Variants in ATP8B3 observed in about 807,000 individuals in gnomAD.
The protein encoded by ATP8B3 is ATPase phospholipid transporting 8B3, also known as phospholipid-transporting ATPase IK.
A neutral mutation model predicts 140.9 loss-of-function variants in ATP8B3; 141 were observed. The ratio of observed to expected loss-of-function variants is 1.00; its 90% confidence interval spans 0.87 to 1.15. ATP8B3 has a LOEUF of 1.15. Among genes scored for constraint, ATP8B3 ranks in the 50% most tolerant of loss-of-function variants. ATP8B3 has a pLI of 0.00. For synonymous variants in ATP8B3, 765 were observed against 714.6 expected, an observed-to-expected ratio of 1.07 and a Z score of -1.13; for missense variants, 1,874 against 1,740.6, an observed-to-expected ratio of 1.08 and a Z score of -1.36.
At chr19:1,799,012 A>C (rs1209550486) in intron 14 of ATP8B3, 1 of 151,124 alleles carries the variant, frequency 6.6e-6, no homozygotes, top group Non-Finnish European at 1.5e-5. Flanking sequence ...GTAAGGTGGC[A>C]CTCTCCTGTA....
chr19:1,797,002 G>T lies in ATP8B3; in HGVS notation c.1556C>A (p.Pro519Gln). The change falls in exon 15 of 29, where the codon CCG becomes CAG. Residue 519 changes from proline (P) to glutamine (Q), a missense_variant. Coordinates refer to ENST00000310127, the MANE Select transcript of ATP8B3 (RefSeq NM_138813.4). ...KCCISGRVYG[P>Q]DSEATTRPKE... ...AGGTCGGGTCGTGGCCTCTGAATCC[G>T]GCCCTGGGGAAAGACACAGCTTCCT... 1.2e-6 allele frequency: 2 copies of T among 1,613,066 alleles called. No individual in the cohort carries two copies. Among genetic ancestry groups the T allele is most frequent in the Non-Finnish European group, 1.7e-6 (2 of 1,179,824 alleles).
rs1408237227 is a variant in ATP8B3 at position 1,789,462 on chromosome 19, G to A, written c.2744C>T (p.Thr915Met). 2 of 1,597,748 alleles carry A rather than the reference G, an allele frequency of 1.3e-6. No homozygotes were observed. The highest frequency in any genetic ancestry group is 4.5e-5 in the East Asian group (2 of 44,720). Residue 915 changes from threonine (T) to methionine (M), a missense_variant, in exon 23 of 29, where the codon ACG becomes ATG. This residue lies in a region of ATP8B3 where 840 missense variants were observed against 760.9 expected (regional missense o/e 1.10). Coordinates refer to ENST00000310127, the MANE Select transcript of ATP8B3 (RefSeq NM_138813.4). Reference sequence around the variant, plus strand: ...CACGATCAGGGCCTTCTGCTTGGGCGTCACGCGGCAGCAGATGACCGCCTG... The same window carrying A: ...CACGATCAGGGCCTTCTGCTTGGGCATCACGCGGCAGCAGATGACCGCCTG... ...KCQAVICCRV[T>M]PKQKALIVAL...
chr19:1,806,296 C>A lies in ATP8B3; in HGVS notation c.678-127G>T. ...CCCCACCTCCGGGCCTTTGCCCCCTCAGGAAGCCTTCCCCGGGCTCCCACC... is the reference window on the plus strand; with the variant it reads ...CCCCACCTCCGGGCCTTTGCCCCCTAAGGAAGCCTTCCCCGGGCTCCCACC... On this transcript the variant is annotated intron_variant, in intron 7 of 28. Coordinates refer to ENST00000310127, the MANE Select transcript of ATP8B3 (RefSeq NM_138813.4). This position sits in a 1 kb window ranked among gnomAD's most constrained non-coding sequence, Gnocchi z 5.6. 2 of 1,490,852 alleles carry A rather than the reference C, an allele frequency of 1.3e-6. No homozygotes were observed. Among genetic ancestry groups the A allele is most frequent in the Non-Finnish European group, 1.8e-6 (2 of 1,124,322 alleles). The allele number at this position is 1,490,852 out of a possible 1,614,324, so 92.4% of individuals were successfully genotyped here.
At position 1,796,092 on chromosome 19, in the gene ATP8B3, G is replaced by A. The variant is rs768390674; in HGVS notation, c.1927C>T (p.Arg643Trp). The A allele has an allele frequency of 4.0e-5, 64 of 1,612,926 alleles. No individual in the cohort carries two copies. Among genetic ancestry groups the A allele is most frequent in the East Asian group, 2.2e-4 (10 of 44,874 alleles). ...CGGGGCTCACCCAGCACCGACATCCGTTTGCGCGTGCTGTTGAAGTCCATT... is the reference window on the plus strand; with the variant it reads ...CGGGGCTCACCCAGCACCGACATCCATTTGCGCGTGCTGTTGAAGTCCATT... Reference protein sequence around the residue: ...AIMDFNSTRKRMSVLVRKPEG... With the variant: ...AIMDFNSTRKWMSVLVRKPEG... Residue 643 changes from arginine (R) to tryptophan (W), a missense_variant, in exon 17 of 29, where the codon CGG becomes TGG. Arg to Trp is a moderately radical substitution (Grantham distance 101). Around this residue, in one of 3 missense-constraint regions of ATP8B3, gnomAD observed 1,032 missense variants for 963.6 expected, o/e 1.07. Transcript: ENST00000310127.
At chr19:1,791,947 T>G in intron 19 of ATP8B3, 54 bp downstream of exon 19, 1 of 1,576,802 alleles carries the variant, frequency 6.3e-7, no homozygotes, top group Non-Finnish European at 8.6e-7. Flanking sequence ...AGGGCCCCCT[T>G]GGGTGCCCCC....
chr19:1,790,912 A>T, intron 20 of ATP8B3, 80 bp from the exon 21 acceptor site: 1 of 1,252,880 alleles, frequency 8.0e-7, no homozygotes, highest in Non-Finnish European at 1.1e-6. Context: ...CTGCCCGGTG[A>T]ATCCTGGCCC....
At position 1,805,565 on chromosome 19, in the gene ATP8B3, T is replaced by G; in HGVS notation, c.822-109A>C. 1 of 988,016 alleles carries G rather than the reference T, an allele frequency of 1.0e-6. No homozygotes were observed. Among genetic ancestry groups the G allele is most frequent in the Non-Finnish European group, 1.6e-6 (1 of 641,166 alleles). The allele number at this position is 988,016 out of a possible 1,614,324, so 61.2% of individuals were successfully genotyped here. On this transcript the variant is annotated intron_variant, in intron 9 of 28. Transcript: ENST00000310127. This position sits in a 1 kb window ranked among gnomAD's most constrained non-coding sequence, Gnocchi z 5.2. ...ACATTTTCACTGAGCACCTACTAGT[T>G]CGCCAGCTGCCAGTCAGATGGCTGA...
At chr19:1,784,770 G>A in intron 28 of ATP8B3, 49 bp downstream of exon 28, 2 of 1,538,644 alleles carry the variant, frequency 1.3e-6, no homozygotes, top group South Asian at 1.3e-5. Flanking sequence ...TCCCCAACCA[G>A]GGTCCTGGAA....
In ATP8B3 at chr19:1,784,826, C is replaced by A. The variant is rs771914558; in HGVS notation, c.3653G>T (p.Arg1218Leu). 3.7e-6 allele frequency: 6 copies of A among 1,603,202 alleles called. No individual in the cohort carries two copies. Among genetic ancestry groups the A allele is most frequent in the South Asian group, 2.3e-5 (2 of 88,872 alleles). The part of the protein sequence containing the change: ...RVIFPALKEL[R>L]AKEEKVEEGP... ...GGCCCAGGCCCACCTCACCTTGGCA[C>A]GTAGCTCCTTGAGGGCTGGGAAGAT... The change falls in exon 28 of 29, where the codon CGT (arginine) becomes CTT (leucine). Residue 1218 changes from arginine to leucine, a missense_variant. Coordinates refer to ENST00000310127, the MANE Select transcript of ATP8B3 (RefSeq NM_138813.4).
Position 1,791,737 on chromosome 19 carries a change from G to A in ATP8B3, c.2302+13C>T, listed in dbSNP as rs779238404. ...TGCAGGGGCTTAGCCACCCGGAGCT[G>A]CCCGGGACTCACCCTGCTTGTCCCC... On this transcript the variant is annotated intron_variant, in intron 20 of 28. Transcript: ENST00000310127. 3.8e-6 allele frequency: 6 copies of A among 1,599,038 alleles called. No individual in the cohort carries two copies. The highest frequency in any genetic ancestry group is 4.3e-6 in the Non-Finnish European group (5 of 1,169,814).
rs1199087141 is a variant in ATP8B3 at position 1,795,907 on chromosome 19, C to A, written c.2023G>T (p.Ala675Ser). Residue 675 changes from alanine to serine, a missense_variant, in exon 18 of 29, where the codon GCA (alanine) becomes TCA (serine). Physicochemically the swap from Ala to Ser is moderately conservative, Grantham distance 99. Coordinates refer to ENST00000310127, the MANE Select transcript of ATP8B3 (RefSeq NM_138813.4). ...GCCTCCTCTGTGGCAAATTCCATTGCCCCCCTCCTGTGCAAGCGTTCGAAG... is the reference window on the plus strand; with the variant it reads ...GCCTCCTCTGTGGCAAATTCCATTGACCCCCTCCTGTGCAAGCGTTCGAAG... ...VIFERLHRRG[A>S]MEFATEEALA... 8.7e-6 allele frequency: 14 copies of A among 1,612,906 alleles called. No homozygotes were observed. The highest frequency in any genetic ancestry group is 1.2e-5 in the Non-Finnish European group (14 of 1,179,798).
At position 1,783,191 on chromosome 19, in the gene ATP8B3, G is replaced by A; in HGVS notation, c.3740C>T (p.Ala1247Val). 6.2e-7 allele frequency: 1 copy of A among 1,613,160 alleles called. No homozygotes were observed. The highest frequency in any genetic ancestry group is 8.5e-7 in the Non-Finnish European group (1 of 1,179,642). Residue 1247 changes from alanine (A) to valine (V), a missense_variant, in exon 29 of 29, where the codon GCC becomes GTC. Physicochemically the swap from Ala to Val is moderately conservative, Grantham distance 64. Transcript: ENST00000310127. ...GGAGAAAGCATAGCTGGAACGGCGG[G>A]CACGAGACTCCCGGTGTACATGAGG... ...PLPHVHRESR[A>V]RRSSYAFSHR...
chr19:1,792,467 C>G (rs2068542639), intron 18 of ATP8B3, among the ~76,000 whole-genome samples: 1 of 151,226 alleles, frequency 6.6e-6, no homozygotes, highest in Non-Finnish European at 1.5e-5. Context: ...GTAGTCCCAG[C>G]TACTTGAGAG....
rs1036382282 is a variant in ATP8B3, at chr19:1,782,368, G to A, written c.*660C>T. The stretch of plus-strand genomic sequence containing the variant: ...GGGGCAAGGATAGCTGCTCCTCCCC[G>A]GGCACCAGCAGCCACTCCATGGATG... On this transcript the variant is annotated 3_prime_UTR_variant, in exon 29 of 29. Transcript: ENST00000310127. 1.9e-5 allele frequency: 5 copies of A among 261,744 alleles called. No individual in the cohort carries two copies. The highest frequency in any genetic ancestry group is 1.6e-4 in the East Asian group (2 of 12,742). The allele number at this position is 261,744 out of a possible 1,614,324, so 16.2% of individuals were successfully genotyped here. A position where few individuals can be genotyped will look rare whatever the true frequency, so the allele number is the denominator to read the frequency against.
In ATP8B3 at chr19:1,805,475, G is replaced by A. The variant is rs2068981616; in HGVS notation, c.822-19C>T. On this transcript the variant is annotated intron_variant, in intron 9 of 28. Coordinates refer to ENST00000310127, the MANE Select transcript of ATP8B3 (RefSeq NM_138813.4). The surrounding 1 kb of genome is among the most constrained non-coding windows in gnomAD (Gnocchi z 5.2). ...GGTCTCCCTGGTGACGAGGAGAGGA[G>A]GGAGGTGAAAGTGGAGTTGATGGAT... 1.3e-6 allele frequency: 2 copies of A among 1,547,510 alleles called. No individual in the cohort carries two copies. Among genetic ancestry groups the A allele is most frequent in the South Asian group, 1.2e-5 (1 of 84,276 alleles).
Position 1,799,960 on chromosome 19 carries a change from G to T in ATP8B3, c.1539C>A (p.Ser513Arg). 3 of 1,598,768 alleles carry T rather than the reference G, an allele frequency of 1.9e-6. No homozygotes were observed. The highest frequency in any genetic ancestry group is 2.6e-6 in the Non-Finnish European group (3 of 1,173,010). The change falls in exon 14 of 29, where the codon AGC (serine) becomes AGA (arginine). Residue 513 changes from serine (S) to arginine (R), a missense_variant. This residue lies in a region of ATP8B3 where 1,032 missense variants were observed against 963.6 expected (regional missense o/e 1.07). Coordinates refer to ENST00000310127, the MANE Select transcript of ATP8B3 (RefSeq NM_138813.4). ...TCGGGGCCGCACCATAGACGCGGCC[G>T]CTGATGCAGCACTTGTTGAAGGTCA... is the stretch of plus-strand genomic sequence containing the variant. ...NILTFNKCCISGRVYGPDSEA... is the reference protein window; with the variant it reads ...NILTFNKCCIRGRVYGPDSEA...
intron 4 of ATP8B3, among the ~76,000 whole-genome samples, chr19:1,809,152 C>T (rs1003050007): frequency 2.5e-4 from 38 of 151,400 alleles, no homozygotes; most frequent in Middle Eastern, 6.9e-3. Flanking sequence ...CCAGCCTGGG[C>T]GACAGAGCGA....
chr19:1,790,655 CA>C, intron 21 of ATP8B3, 101 bp downstream of exon 21: 16 of 921,044 alleles, frequency 1.7e-5, no homozygotes, highest in South Asian at 1.1e-4. Context: ...CCCCCCTTCC[CA>C]CTGTGCCTTG....
intron 21 of ATP8B3, 145 bp from the exon 22 acceptor site, chr19:1,790,134 C>T: frequency 1.6e-6 from 1 of 618,340 alleles, no homozygotes; most frequent in Non-Finnish European, 2.9e-6. Flanking sequence ...TTCCCCTCCC[C>T]TTTCCTCCTC....
Sources: gnomAD v4.1 joint callset for allele counts (sites outside exome capture counted in the v4.1 genomes callset) on GRCh38, gnomAD v4.1.1 for gene constraint, gnomAD v4.1.1 regional missense constraint, Gnocchi (gnomAD v3.1) non-coding constraint, MANE v1.5 for transcripts, NCBI Gene and HGNC (gene_info 2026-07-23, HGNC 2026-07-21) for gene names.